Variants in ARHGEF3 observed in about 807,000 individuals in gnomAD.
ARHGEF3 encodes the protein 59.8 kDA protein.
Under a neutral mutation model 63.2 loss-of-function variants are expected in ARHGEF3, and 28 were observed. The ratio of observed to expected loss-of-function variants is 0.44; its 90% CI spans 0.33 to 0.61. ARHGEF3 has a LOEUF of 0.61. Ranked by LOEUF, ARHGEF3 falls within the 20% of genes least tolerant of loss-of-function variation. The pLI is 0.03. For missense variants in ARHGEF3, 533 were observed against 659.3 expected (o/e 0.81, Z 2.10); for synonymous variants, 266 against 254.2 (o/e 1.05, Z -0.44).
intron 2 of ARHGEF3, among the ~76,000 whole-genome samples, chr3:57,026,745 C>A (rs1703492143): frequency 6.6e-6 from 1 of 152,204 alleles, no homozygotes; most frequent in African/African-American, 2.4e-5. Flanking sequence ...ATGGTGCCAC[C>A]TGAGTGCTGT....
intron 8 of ARHGEF3, 34 bp downstream of exon 8, chr3:56,737,151 C>A (rs201012620): frequency 6.4e-7 from 1 of 1,559,694 alleles, no homozygotes; most frequent in South Asian, 1.2e-5. Context: ...ATACGGGAGG[C>A]GGATAAGACT....
In ARHGEF3 at chr3:56,877,376, C is replaced by CTTTT. The variant is rs755860299; in HGVS notation, c.192+4912_192+4915dup. On this transcript the variant is annotated intron_variant, in intron 4 of 12. Coordinates refer to the ARHGEF3 transcript ENST00000338458. Reference sequence around the variant, plus strand: ...GAATAAATTAATTTGTACTATAATCCTTTTTTTTTTTTTTTTGAGATAGGG... The same window carrying CTTTT: ...GAATAAATTAATTTGTACTATAATCCTTTTTTTTTTTTTTTTTTTTGAGATAGGG... Among the ~76,000 whole-genome samples, 146 of 136,942 alleles carry CTTTT rather than the reference C, an allele frequency of 1.1e-3. 3 individuals are homozygous for CTTTT. Among genetic ancestry groups the CTTTT allele is most frequent in the South Asian group, 2.6e-3 (11 of 4,276 alleles). 89.8% of individuals were successfully genotyped at this position (136,942 alleles called of 152,430 possible).
intron 1 of ARHGEF3, among the ~76,000 whole-genome samples, chr3:57,051,193 A>T (rs990628929): frequency 2.4e-4 from 37 of 152,314 alleles, no homozygotes; most frequent in African/African-American, 8.7e-4. Context: ...AACTCAAGCC[A>T]GGTTTGGTCA....
intron 1 of ARHGEF3, among the ~76,000 whole-genome samples, chr3:57,058,764 T>A (rs1463170383): frequency 6.6e-6 from 1 of 151,858 alleles, no homozygotes; most frequent in Non-Finnish European, 1.5e-5. Context: ...AATGATAGAC[T>A]GGATTAAGAA....
At chr3:56,968,069 T>TTTTTA (rs1700682058) in intron 2 of ARHGEF3, among the ~76,000 whole-genome samples, 1 of 53,972 alleles carries the variant, frequency 1.9e-5, no homozygotes. Flanking sequence ...ATAATATATA[T>TTTTTA]AATATATTAT....
intron 3 of ARHGEF3, among the ~76,000 whole-genome samples, chr3:56,889,922 C>G (rs1314122780): frequency 6.6e-6 from 1 of 151,930 alleles, no homozygotes; most frequent in Non-Finnish European, 1.5e-5. Context: ...ATTAGCTGAG[C>G]GTGGTAGCGT....
rs115250058 is a variant in ARHGEF3 at position 56,729,329 on chromosome 3, G to A, written c.1522C>T (p.Arg508Cys). Residue 508 changes from arginine to cysteine, a missense_variant, in exon 10 of 10, where the codon CGC becomes TGC. By Grantham distance (180) the Arg-to-Cys change is radical. Around this residue, in one of 4 missense-constraint regions of ARHGEF3, gnomAD observed 115 missense variants for 103.4 expected, o/e 1.11. Coordinates refer to ENST00000296315, the MANE Select transcript of ARHGEF3 (RefSeq NM_019555.3). Reference protein sequence around the residue: ...DTSEVSLDCERMEQTDSSCGN... With the variant: ...DTSEVSLDCECMEQTDSSCGN... The stretch of plus-strand genomic sequence containing the variant: ...CAGGAAGAGTCTGTCTGTTCCATGC[G>A]CTCACAGTCGAGGCTGACCTCACTC... 475 of 1,614,056 alleles carry A rather than the reference G, an allele frequency of 2.9e-4. 4 individuals carry two copies. In the East Asian group the frequency reaches 9.8e-3, roughly 33 times the overall value.
At chr3:56,758,950 C>G (rs1159768601) in intron 2 of ARHGEF3, among the ~76,000 whole-genome samples, 2 of 152,138 alleles carry the variant, frequency 1.3e-5, no homozygotes, top group African/African-American at 4.8e-5. Context: ...AATCAACCTC[C>G]TATCCTGTTA....
intron 4 of ARHGEF3, among the ~76,000 whole-genome samples, chr3:56,829,906 A>C (rs2038868035): frequency 6.6e-6 from 1 of 152,224 alleles, no homozygotes; most frequent in African/African-American, 2.4e-5. Context: ...CTCTCTACCA[A>C]GCATGGTACC....
chr3:57,067,983 C>T (rs912866807), intron 1 of ARHGEF3, among the ~76,000 whole-genome samples: 1 of 151,034 alleles, frequency 6.6e-6, no homozygotes, highest in Admixed American at 6.6e-5. Flanking sequence ...GAGCAAGACT[C>T]CGTCTCAAAA....
At chr3:56,805,098 A>C (rs940571468), upstream of ARHGEF3, among the ~76,000 whole-genome samples, 3 of 152,148 alleles carry the variant, frequency 2.0e-5, no homozygotes, top group Non-Finnish European at 4.4e-5. Context: ...TACTTACAGC[A>C]CTTGGTGAAG....
intron 2 of ARHGEF3, among the ~76,000 whole-genome samples, chr3:57,020,352 G>A (rs927481376): frequency 9.2e-5 from 14 of 152,058 alleles, no homozygotes; most frequent in African/African-American, 2.9e-4. Context: ...GGGATCGCTG[G>A]CCCAGATGGC....
intron 2 of ARHGEF3, among the ~76,000 whole-genome samples, chr3:56,996,887 A>ATTTT (rs199994465): frequency 7.7e-4 from 79 of 102,546 alleles, no homozygotes; most frequent in East Asian, 7.6e-3. Flanking sequence ...TATTATTATT[A>ATTTT]TTATTTTTTT....
chr3:57,031,493 A>T (rs928107722), intron 2 of ARHGEF3, among the ~76,000 whole-genome samples: 10 of 152,200 alleles, frequency 6.6e-5, no homozygotes, highest in African/African-American at 2.4e-4. Flanking sequence ...TACTATTATT[A>T]TCCCCACTGA....
chr3:57,052,712 C>G (rs930332553), intron 1 of ARHGEF3, among the ~76,000 whole-genome samples: 1 of 152,150 alleles, frequency 6.6e-6, no homozygotes, highest in African/African-American at 2.4e-5. Context: ...TCACAGTATG[C>G]TTGCATTTAG....
intron 4 of ARHGEF3, among the ~76,000 whole-genome samples, chr3:56,838,229 TG>T (rs1003053640): frequency 2.0e-5 from 3 of 152,030 alleles, no homozygotes; most frequent in Admixed American, 6.6e-5. Flanking sequence ...AAAAATACTG[TG>T]GGGGGGAATA....
chr3:56,913,687 C>T (rs7642023), intron 3 of ARHGEF3, among the ~76,000 whole-genome samples: 137,028 of 152,266 alleles, frequency 0.9, 61,937 homozygotes, highest in South Asian at 0.96. Flanking sequence ...AAGCAGGTGG[C>T]AGGAATGTAA....
intron 4 of ARHGEF3, among the ~76,000 whole-genome samples, chr3:56,816,603 T>C (rs1261736804): frequency 6.6e-6 from 1 of 152,160 alleles, no homozygotes; most frequent in Non-Finnish European, 1.5e-5. Context: ...CGAAGAGGTG[T>C]TTGCTCTCTG....
chr3:57,030,102 C>A (rs192587796), intron 2 of ARHGEF3, among the ~76,000 whole-genome samples: 169 of 152,352 alleles, frequency 1.1e-3, no homozygotes, highest in African/African-American at 4.0e-3. Context: ...CCTAACCCTG[C>A]AGCATGAAAA....
Sources: gnomAD v4.1 joint callset for allele counts (sites outside exome capture counted in the v4.1 genomes callset) on GRCh38, gnomAD v4.1.1 for gene constraint, gnomAD v4.1.1 regional missense constraint, MANE v1.5 for transcripts, NCBI Gene and HGNC (gene_info 2026-07-23, HGNC 2026-07-21) for gene names.